The following SLC25A12 variants were observed in gnomAD, a reference collection of about 807,000 sequenced individuals.
SLC25A12 encodes the protein solute carrier family 25 member 12.
A neutral mutation model predicts 83.3 loss-of-function variants in SLC25A12; 32 were observed. That is an observed-to-expected ratio of 0.38 (90% CI 0.29 to 0.52). SLC25A12 has a LOEUF of 0.52. Ranked by LOEUF, SLC25A12 falls within the 20% of genes least tolerant of loss-of-function variation. The pLI, the probability that SLC25A12 is intolerant of heterozygous loss-of-function variation, is 0.84. For synonymous variants in SLC25A12, 267 were observed against 291.1 expected (o/e 0.92, Z 0.84); for missense variants, 611 against 835.6 (o/e 0.73, Z 3.31).
chr2:171,817,265 T>C lies in SLC25A12; in HGVS notation c.931-2063A>G, dbSNP rs148397437. On this transcript the variant is annotated intron_variant, in intron 9 of 17. Transcript: ENST00000422440. ...CACATTTTAAAATCAATATAGCTATTATGCTACCTACTAAACACATTGGCA... is the reference window on the plus strand; with the variant it reads ...CACATTTTAAAATCAATATAGCTATCATGCTACCTACTAAACACATTGGCA... Among the ~76,000 whole-genome samples, 280 of 152,256 alleles carry C rather than the reference T, an allele frequency of 1.8e-3. 2 individuals are homozygous for C. The highest frequency in any genetic ancestry group is 6.0e-3 in the African/African-American group (251 of 41,542).
chr2:171,853,772 C>T (rs1411851250), intron 4 of SLC25A12, among the ~76,000 whole-genome samples: 1 of 152,098 alleles, frequency 6.6e-6, no homozygotes, highest in African/African-American at 2.4e-5. Context: ...TTCCTACACT[C>T]ATTTTAATCT....
At chr2:171,785,708 C>CA (rs1239900237) in intron 17 of SLC25A12, among the ~76,000 whole-genome samples, 30 of 152,292 alleles carry the variant, frequency 2.0e-4, no homozygotes, top group African/African-American at 7.0e-4. Context: ...CCAATGCTTG[C>CA]ATACATATAT....
chr2:171,829,085 C>A (rs1684377512), intron 8 of SLC25A12, among the ~76,000 whole-genome samples: 1 of 152,242 alleles, frequency 6.6e-6, no homozygotes, highest in Non-Finnish European at 1.5e-5. Flanking sequence ...CCACCTGATT[C>A]CCCACTTGGC....
chr2:171,803,105 T>C (rs1362078047), intron 13 of SLC25A12, among the ~76,000 whole-genome samples: 2 of 150,200 alleles, frequency 1.3e-5, no homozygotes, highest in Non-Finnish European at 3.0e-5. Context: ...TTTAGTAATA[T>C]CTCTCTCTGT....
Position 171,853,419 on chromosome 2 carries a change from T to C in SLC25A12, c.325+2415A>G, listed in dbSNP as rs796147333. Among the ~76,000 whole-genome samples the C allele has an allele frequency of 1.1e-4, 17 of 151,856 alleles. 1 individual carries two copies. The highest frequency in any genetic ancestry group is 1.6e-4 in the Non-Finnish European group (11 of 67,848). ...GGCTGGGTGCAGTGGCTCACGCCTG[T>C]AATCTCAGCACTTTGGGAGGCCGAG... is the stretch of plus-strand genomic sequence containing the variant. On this transcript the variant is annotated intron_variant, in intron 4 of 17. Transcript: ENST00000422440.
At chr2:171,814,438 C>T (rs1684005384) in intron 10 of SLC25A12, among the ~76,000 whole-genome samples, 1 of 151,292 alleles carries the variant, frequency 6.6e-6, no homozygotes, top group African/African-American at 2.4e-5. Context: ...CTTTGAGAGG[C>T]TCTTTTATTT....
chr2:171,868,795 C>G lies in SLC25A12; in HGVS notation c.95G>C (p.Arg32Pro), dbSNP rs199596322. 2 of 1,612,242 alleles carry G rather than the reference C, an allele frequency of 1.2e-6. No homozygotes were observed. The highest frequency in any genetic ancestry group is 1.7e-5 in the Admixed American group (1 of 59,984). Residue 32 changes from arginine (R) to proline (P), a missense_variant, in exon 3 of 18, where the codon CGT becomes CCT. Around this residue, in one of 3 missense-constraint regions of SLC25A12, gnomAD observed 540 missense variants for 777.5 expected, o/e 0.69. Coordinates refer to ENST00000422440, the MANE Select transcript of SLC25A12 (RefSeq NM_003705.5). Reference protein sequence around the residue: ...QYASTEVDGERYMTPEDFVQR... With the variant: ...QYASTEVDGEPYMTPEDFVQR... ...AACAAAGTCTTCTGGGGTCATATAA[C>G]GCTCTCCATCAACCTCAGTACTGGC...
chr2:171,860,363 T>C (rs1415031124), intron 3 of SLC25A12, among the ~76,000 whole-genome samples: 2 of 151,966 alleles, frequency 1.3e-5, no homozygotes, highest in African/African-American at 2.4e-5. Context: ...GGTGGATCAC[T>C]TGAGGTCAGT....
At chr2:171,838,676 A>G (rs1210109282) in intron 5 of SLC25A12, among the ~76,000 whole-genome samples, 1 of 152,232 alleles carries the variant, frequency 6.6e-6, no homozygotes. Context: ...GAGTAGTGTT[A>G]GTAGAATAGA....
chr2:171,870,572 G>T (rs1396204754), intron 2 of SLC25A12, among the ~76,000 whole-genome samples: 4 of 152,026 alleles, frequency 2.6e-5, no homozygotes, highest in Middle Eastern at 3.2e-3. Context: ...AGTGAGCAGT[G>T]ATCATGCCAC....
intron 9 of SLC25A12, among the ~76,000 whole-genome samples, chr2:171,826,439 C>T (rs915956639): frequency 6.6e-6 from 1 of 152,140 alleles, no homozygotes; most frequent in Non-Finnish European, 1.5e-5. Context: ...AAAACCTTGT[C>T]TCTACTAAAA....
intron 9 of SLC25A12, among the ~76,000 whole-genome samples, chr2:171,822,795 G>A (rs950432582): frequency 6.6e-6 from 1 of 152,138 alleles, no homozygotes; most frequent in African/African-American, 2.4e-5. Context: ...TGGACTCACA[G>A]ATTCTCCATC....
chr2:171,792,635 A>G (rs1042685180), intron 14 of SLC25A12, among the ~76,000 whole-genome samples: 39 of 149,202 alleles, frequency 2.6e-4, no homozygotes, highest in African/African-American at 9.3e-4. Flanking sequence ...CAAACATTGA[A>G]AAAAAAAAAA....
At chr2:171,888,933 C>G (rs1156993304) in intron 2 of SLC25A12, among the ~76,000 whole-genome samples, 1 of 152,146 alleles carries the variant, frequency 6.6e-6, no homozygotes, top group Non-Finnish European at 1.5e-5. Context: ...CTTTAAGTAG[C>G]TCAGATAATT....
At chr2:171,866,757 T>C (rs1241999136) in intron 3 of SLC25A12, among the ~76,000 whole-genome samples, 10 of 88,770 alleles carry the variant, frequency 1.1e-4, no homozygotes, top group African/African-American at 3.6e-4. Context: ...GCTGGCCGGG[T>C]GGGGGGCTGA....
At chr2:171,793,142 G>A (rs1683519222) in intron 14 of SLC25A12, among the ~76,000 whole-genome samples, 1 of 149,828 alleles carries the variant, frequency 6.7e-6, no homozygotes, top group Non-Finnish European at 1.5e-5. Flanking sequence ...TTTTTTAATG[G>A]AATTCATTAT....
chr2:171,873,264 C>T (rs1206639548), intron 2 of SLC25A12, among the ~76,000 whole-genome samples: 1 of 151,984 alleles, frequency 6.6e-6, no homozygotes, highest in Non-Finnish European at 1.5e-5. Flanking sequence ...CTGGCTAACA[C>T]GGTGAAACCC....
intron 7 of SLC25A12, 97 bp from the exon 8 acceptor site, chr2:171,834,153 G>T: frequency 1.4e-6 from 1 of 721,932 alleles, no homozygotes. Flanking sequence ...AAAGCTATAG[G>T]CATTTTAGTA....
chr2:171,851,366 T>C (rs1684926242), intron 4 of SLC25A12, among the ~76,000 whole-genome samples: 2 of 151,834 alleles, frequency 1.3e-5, no homozygotes, highest in Admixed American at 1.3e-4. Context: ...AATTTTTGTA[T>C]TTTTAGTAGA....
Sources: gnomAD v4.1 joint callset for allele counts (sites outside exome capture counted in the v4.1 genomes callset) on GRCh38, gnomAD v4.1.1 for gene constraint, gnomAD v4.1.1 regional missense constraint, MANE v1.5 for transcripts, NCBI Gene and HGNC (gene_info 2026-07-23, HGNC 2026-07-21) for gene names.